CCDC171: variants seen among roughly 807,000 people sequenced by gnomAD.
CCDC171 encodes coiled-coil domain-containing protein 171.
Under a neutral mutation model 168.2 loss-of-function variants are expected in CCDC171, and 177 were observed. The observed-to-expected ratio is 1.05, with a 90% CI of 0.93 to 1.19. The LOEUF (loss-of-function observed/expected upper bound fraction) is 1.19, where lower values mean the gene tolerates loss of function less well. Ranked by LOEUF, CCDC171 falls within the 50% of genes most tolerant of loss-of-function variation. CCDC171 has a pLI of 0.00. For synonymous variants in CCDC171, 687 were observed against 540.8 expected, an observed-to-expected ratio of 1.27 and a Z score of -3.75; for missense variants, 1,991 against 1,539.0, an observed-to-expected ratio of 1.29 and a Z score of -4.91.
intron 3 of CCDC171, 102 bp from the exon 4 acceptor site, chr9:15,578,747 T>C (rs2040878328): frequency 1.2e-6 from 1 of 827,858 alleles, no homozygotes; most frequent in Admixed American, 3.3e-5. Context: ...AATTTTTGCC[T>C]TGTATATATT....
At chr9:15,599,624 G>A (rs987195875) in intron 6 of CCDC171, among the ~76,000 whole-genome samples, 4 of 152,070 alleles carry the variant, frequency 2.6e-5, no homozygotes, top group African/African-American at 9.7e-5. Context: ...ACAATTATGT[G>A]TCTTGGAGTT....
Position 15,623,475 on chromosome 9 carries a change from G to GCGCGCGCGCGCGCGCGCACACACA in CCDC171, c.822+63_822+64insGCGCGCGCGCGCGCGCACACACAC. 4.8e-4 allele frequency: 152 copies of GCGCGCGCGCGCGCGCGCACACACA among 315,450 alleles called. 1 individual carries two copies. Among genetic ancestry groups the GCGCGCGCGCGCGCGCGCACACACA allele is most frequent in the Admixed American group, 2.0e-3 (40 of 19,762 alleles). The allele number at this position is 315,450 out of a possible 1,614,324, so 19.5% of individuals were successfully genotyped here. On this transcript the variant is annotated intron_variant, in intron 7 of 25. Coordinates refer to ENST00000380701, the MANE Select transcript of CCDC171 (RefSeq NM_173550.4). ...CAAACTTTCACATATGCGCGCGCGC[G>GCGCGCGCGCGCGCGCGCACACACA]CACACACACACACACACACACACAC...
intron 4 of CCDC171, among the ~76,000 whole-genome samples, chr9:15,586,474 TAA>T (rs2041568602): frequency 6.6e-6 from 1 of 152,200 alleles, no homozygotes; most frequent in Admixed American, 6.5e-5. Context: ...GTTAAAATCC[TAA>T]GTCAGGAGTG....
intron 10 of CCDC171, among the ~76,000 whole-genome samples, chr9:15,689,028 C>A (rs1314406938): frequency 6.6e-6 from 1 of 152,098 alleles, no homozygotes; most frequent in Non-Finnish European, 1.5e-5. Context: ...GGATACAATA[C>A]AATATCCATT....
chr9:15,920,960 A>G (rs1406941379), intron 25 of CCDC171, among the ~76,000 whole-genome samples: 2 of 130,880 alleles, frequency 1.5e-5, no homozygotes, highest in Admixed American at 1.6e-4. Context: ...CTCACTTAAC[A>G]CTAAAAAAAA....
chr9:15,951,853 A>C (rs1039950144), intron 25 of CCDC171, among the ~76,000 whole-genome samples: 1 of 152,112 alleles, frequency 6.6e-6, no homozygotes, highest in Non-Finnish European at 1.5e-5. Flanking sequence ...GATGCACACA[A>C]TTTAAAAATT....
At chr9:15,824,878 T>C (rs973552608) in intron 21 of CCDC171, among the ~76,000 whole-genome samples, 5 of 152,126 alleles carry the variant, frequency 3.3e-5, no homozygotes, top group Admixed American at 6.6e-5. Context: ...AAGGGGTCAT[T>C]ATCTACATGG....
intron 23 of CCDC171, among the ~76,000 whole-genome samples, chr9:15,870,467 C>A (rs770204): frequency 0.78 from 118,562 of 151,764 alleles, 47,117 homozygotes; most frequent in East Asian, 0.86. Flanking sequence ...GGAGTAAATA[C>A]AATTGAAGCA....
intron 4 of CCDC171, among the ~76,000 whole-genome samples, chr9:15,589,409 CT>C (rs1377975534): frequency 6.6e-6 from 1 of 152,160 alleles, no homozygotes; most frequent in Non-Finnish European, 1.5e-5. Flanking sequence ...CCTTCTGTTT[CT>C]AGATTGTAGA....
intron 7 of CCDC171, among the ~76,000 whole-genome samples, chr9:15,631,409 C>G (rs948693790): frequency 1.3e-5 from 2 of 152,178 alleles, no homozygotes; most frequent in Admixed American, 1.3e-4. Context: ...CGCAAATAAA[C>G]TAGAAAATCT....
Position 15,571,681 on chromosome 9 carries a change from T to C in CCDC171, c.99T>C (p.Asp33=). The C allele has an allele frequency of 6.3e-7, 1 of 1,578,284 alleles. No individual in the cohort carries two copies. Among genetic ancestry groups the C allele is most frequent in the Non-Finnish European group, 8.6e-7 (1 of 1,167,676 alleles). The change falls in exon 3 of 26, where the codon GAT becomes GAC. Residue 33 remains aspartate, a synonymous_variant. Coordinates refer to ENST00000380701, the MANE Select transcript of CCDC171 (RefSeq NM_173550.4). ...TACTTAAAAATGAAACAGAGTTGGATATTACTGATAATCTCAGGAAGAAAC... is the reference window on the plus strand; with the variant it reads ...TACTTAAAAATGAAACAGAGTTGGACATTACTGATAATCTCAGGAAGAAAC... ...KQILKNETEL[D]ITDNLRKKLH... is the part of the protein sequence containing the mutation.
chr9:15,738,505 A>G (rs1318411359), intron 16 of CCDC171, among the ~76,000 whole-genome samples: 2 of 152,188 alleles, frequency 1.3e-5, no homozygotes, highest in Admixed American at 1.3e-4. Context: ...AATTAAACAC[A>G]CTGAGGAGCA....
intron 6 of CCDC171, among the ~76,000 whole-genome samples, chr9:15,621,487 C>T (rs1348479469): frequency 1.3e-5 from 2 of 151,954 alleles, no homozygotes; most frequent in South Asian, 4.1e-4. Context: ...AGTCTGTTAC[C>T]TGAAGGAAGT....
intron 11 of CCDC171, among the ~76,000 whole-genome samples, chr9:15,715,310 C>G (rs2053000656): frequency 6.6e-6 from 1 of 152,134 alleles, no homozygotes; most frequent in Non-Finnish European, 1.5e-5. Context: ...AGAATAGGCA[C>G]TAATGTTTGC....
At chr9:16,005,886 T>G (rs1832680559) in intron 3 of CCDC171, among the ~76,000 whole-genome samples, 1 of 152,154 alleles carries the variant, frequency 6.6e-6, no homozygotes, top group South Asian at 2.1e-4. Flanking sequence ...TTTAACCATT[T>G]GAGAAAGTGC....
At chr9:15,903,891 G>A (rs1822099997) in intron 24 of CCDC171, among the ~76,000 whole-genome samples, 2 of 152,186 alleles carry the variant, frequency 1.3e-5, no homozygotes, top group Admixed American at 1.3e-4. Context: ...ATAAGCCTCA[G>A]TAGCCGATTT....
chr9:15,727,385 T>G (rs1047914319), intron 14 of CCDC171, among the ~76,000 whole-genome samples: 1 of 152,214 alleles, frequency 6.6e-6, no homozygotes, highest in African/African-American at 2.4e-5. Flanking sequence ...GTACAGATAT[T>G]GGTATAACTT....
At chr9:15,707,724 T>C (rs1320834390) in intron 11 of CCDC171, among the ~76,000 whole-genome samples, 1 of 152,248 alleles carries the variant, frequency 6.6e-6, no homozygotes, top group Non-Finnish European at 1.5e-5. Flanking sequence ...GAATTTTAAA[T>C]GACGGAACTG....
At chr9:15,971,158 A>T (rs1273512733) in intron 25 of CCDC171, among the ~76,000 whole-genome samples, 1 of 152,162 alleles carries the variant, frequency 6.6e-6, no homozygotes, top group African/African-American at 2.4e-5. Context: ...AATAAGTAAA[A>T]TGGATAGATT....
Sources: gnomAD v4.1 joint callset for allele counts (sites outside exome capture counted in the v4.1 genomes callset) on GRCh38, gnomAD v4.1.1 for gene constraint, MANE v1.5 for transcripts, NCBI Gene and HGNC (gene_info 2026-07-23, HGNC 2026-07-21) for gene names.